The following AKT3 variants were observed in gnomAD, a reference collection of about 807,000 sequenced individuals.
AKT3 encodes RAC-gamma serine/threonine-protein kinase.
A neutral mutation model predicts 65.3 loss-of-function variants in AKT3; 15 were observed. The observed-to-expected ratio is 0.23, with a 90% CI of 0.15 to 0.35. The LOEUF (loss-of-function observed/expected upper bound fraction) is 0.35, where lower values mean the gene tolerates loss of function less well. Ranked by LOEUF, AKT3 falls within the 10% of genes least tolerant of loss-of-function variation. AKT3 has a pLI of 1.00. For missense variants in AKT3, 243 were observed against 576.5 expected (o/e 0.42, Z 5.92); for synonymous variants, 206 against 183.8 (o/e 1.12, Z -0.98).
At chr1:243,763,115 A>T (rs950214935) in intron 2 of AKT3, among the ~76,000 whole-genome samples, 9 of 152,040 alleles carry the variant, frequency 5.9e-5, no homozygotes, top group Non-Finnish European at 1.2e-4. Context: ...AACTAAAACC[A>T]ATTTCTAAAT....
At chr1:243,736,955 C>T (rs1687881521) in intron 2 of AKT3, among the ~76,000 whole-genome samples, 1 of 152,108 alleles carries the variant, frequency 6.6e-6, no homozygotes, top group Admixed American at 6.5e-5. Context: ...ATTATCTGAA[C>T]ATAGAGCAAT....
rs1395021054 is a variant in AKT3, at chr1:243,501,706, A to C, written c.*3543T>G. On this transcript the variant is annotated 3_prime_UTR_variant, in exon 14 of 14. Transcript: ENST00000673466. Reference sequence around the variant, plus strand: ...CTATTAAAAATCATGTTTTCATTAAAGAAGATTTAATTTGGGGGGATTATA... The same window carrying C: ...CTATTAAAAATCATGTTTTCATTAACGAAGATTTAATTTGGGGGGATTATA... The C allele has an allele frequency of 5.6e-5, 13 of 232,934 alleles. No homozygotes were observed. In the Admixed American group the frequency reaches 7.3e-4, roughly 13 times the overall value. 14.4% of individuals were successfully genotyped at this position (232,934 alleles called of 1,614,324 possible).
At chr1:243,627,701 A>C (rs1480385443) in intron 6 of AKT3, among the ~76,000 whole-genome samples, 2 of 152,222 alleles carry the variant, frequency 1.3e-5, no homozygotes, top group Non-Finnish European at 2.9e-5. Context: ...ATTCTTACGA[A>C]TAACCTGGGC....
intron 2 of AKT3, among the ~76,000 whole-genome samples, chr1:243,698,507 T>C (rs1388402192): frequency 6.6e-6 from 1 of 152,068 alleles, no homozygotes; most frequent in African/African-American, 2.4e-5. Context: ...ATATAAATCT[T>C]GTATCTTTTT....
At chr1:243,634,451 TAAC>T (rs1242013069) in intron 6 of AKT3, among the ~76,000 whole-genome samples, 3 of 151,946 alleles carry the variant, frequency 2.0e-5, no homozygotes, top group Non-Finnish European at 4.4e-5. Flanking sequence ...AAAAGTAAAT[TAAC>T]AACAATAATA....
At chr1:243,652,960 A>T (rs1311425451) in intron 4 of AKT3, among the ~76,000 whole-genome samples, 2 of 151,986 alleles carry the variant, frequency 1.3e-5, no homozygotes, top group Admixed American at 1.3e-4. Context: ...TTCATAAAGC[A>T]AGTTCTTAGA....
intron 8 of AKT3, among the ~76,000 whole-genome samples, chr1:243,607,889 A>G (rs1677547280): frequency 6.6e-6 from 1 of 152,178 alleles, no homozygotes; most frequent in Admixed American, 6.5e-5. Flanking sequence ...CGGTTTTATA[A>G]GAAGCTTTTC....
At chr1:243,844,143 A>C (rs965583467) in intron 1 of AKT3, among the ~76,000 whole-genome samples, 5 of 152,238 alleles carry the variant, frequency 3.3e-5, no homozygotes, top group Admixed American at 3.3e-4. Context: ...AAGATGTGCC[A>C]AGAACTGTTA....
chr1:243,689,444 A>G (rs557625128), intron 3 of AKT3, among the ~76,000 whole-genome samples: 1 of 150,486 alleles, frequency 6.6e-6, no homozygotes, highest in Admixed American at 6.6e-5. Flanking sequence ...TGATTTTTCT[A>G]CATATTTAAA....
At chr1:243,590,419 G>A (rs1241406884) in intron 8 of AKT3, among the ~76,000 whole-genome samples, 2 of 151,128 alleles carry the variant, frequency 1.3e-5, no homozygotes, top group African/African-American at 4.9e-5. Flanking sequence ...ATTAAAAAAA[G>A]AAACCCCCAA....
intron 8 of AKT3, among the ~76,000 whole-genome samples, chr1:243,580,556 T>C (rs1675264038): frequency 1.3e-5 from 2 of 152,204 alleles, no homozygotes; most frequent in Admixed American, 1.3e-4. Flanking sequence ...TGGAATGGGA[T>C]AGGGGCTTCA....
chr1:243,793,397 TATACATTTTCAACTGACCCACAC>T (rs1691753750), intron 2 of AKT3: 1 of 152,084 alleles, frequency 6.6e-6, no homozygotes, highest in Non-Finnish European at 1.5e-5. Flanking sequence ...TCAAAATTTT[TATACATTTTCAACTGACCCACAC>T]ATGCTGCAGG....
rs33995513 is a variant in AKT3, at chr1:243,552,288, CAAAAAAAAAAAAA to C, written c.1163+428_1163+440del. Among the ~76,000 whole-genome samples, 30 of 50,166 alleles carry C rather than the reference CAAAAAAAAAAAAA, an allele frequency of 6.0e-4. 1 individual carries two copies. Among genetic ancestry groups the C allele is most frequent in the Middle Eastern group, 0.033 (1 of 30 alleles). 32.9% of individuals were successfully genotyped at this position (50,166 alleles called of 152,430 possible). On this transcript the variant is annotated intron_variant, in intron 11 of 13. Transcript: ENST00000673466. Reference sequence around the variant, plus strand: ...TGGGTGGCAGAGTGAGACTCTGTCTCAAAAAAAAAAAAAAAAAAAAAAAAAAATGCAATTAGAT... The same window carrying C: ...TGGGTGGCAGAGTGAGACTCTGTCTCAAAAAAAAAAAAAATGCAATTAGAT...
rs576993457 is a variant in AKT3, at chr1:243,555,518, C to A, written c.949-2575G>T. On this transcript the variant is annotated intron_variant, in intron 10 of 13. Coordinates refer to ENST00000673466, the MANE Select transcript of AKT3 (RefSeq NM_005465.7). ...ACATTATTTTAAGAAGACAATTTTT[C>A]TCCCTCTACTCAAAGCACTTATTAT... Among the ~76,000 whole-genome samples the A allele has an allele frequency of 7.7e-4, 117 of 152,242 alleles. No homozygotes were observed. The Middle Eastern group carries it at 0.01, about 13-fold the overall frequency.
intron 2 of AKT3, among the ~76,000 whole-genome samples, chr1:243,755,302 T>C (rs1689063870): frequency 6.6e-6 from 1 of 151,582 alleles, no homozygotes; most frequent in African/African-American, 2.4e-5. Flanking sequence ...CTCGAACTCC[T>C]GAGCCCAAGT....
intron 3 of AKT3, among the ~76,000 whole-genome samples, chr1:243,685,168 T>G (rs1050623983): frequency 6.6e-6 from 1 of 152,256 alleles, no homozygotes; most frequent in Non-Finnish European, 1.5e-5. Context: ...TAAATCCCGT[T>G]TGTCAATTTT....
chr1:243,742,389 G>A (rs902482773), intron 2 of AKT3, among the ~76,000 whole-genome samples: 9 of 152,254 alleles, frequency 5.9e-5, no homozygotes, highest in Non-Finnish European at 1.3e-4. Context: ...ACTTTGGGAA[G>A]CTGAGGCAGG....
At chr1:243,850,503 GCCT>G (rs1175187471), upstream of AKT3, among the ~76,000 whole-genome samples, 2 of 151,406 alleles carry the variant, frequency 1.3e-5, no homozygotes, top group Non-Finnish European at 3.0e-5. Context: ...GGGTTCTGCG[GCCT>G]CCTCCCGGGC....
At chr1:243,812,556 T>A (rs974470891) in intron 2 of AKT3, among the ~76,000 whole-genome samples, 1 of 152,074 alleles carries the variant, frequency 6.6e-6, no homozygotes, top group African/African-American at 2.4e-5. Context: ...GAAATAACAC[T>A]TTTACACTGT....
Sources: gnomAD v4.1 joint callset for allele counts (sites outside exome capture counted in the v4.1 genomes callset) on GRCh38, gnomAD v4.1.1 for gene constraint, MANE v1.5 for transcripts, NCBI Gene and HGNC (gene_info 2026-07-23, HGNC 2026-07-21) for gene names.